NUP155: variants seen among roughly 807,000 people sequenced by gnomAD.
The protein encoded by NUP155 is nuclear pore complex protein Nup155.
Under a neutral mutation model 180.4 loss-of-function variants are expected in NUP155, and 71 were observed. The ratio of observed to expected loss-of-function variants is 0.39; its 90% CI spans 0.33 to 0.48. The LOEUF is 0.48. NUP155 is among the 20% of genes least tolerant of loss of function. The probability of loss-of-function intolerance (pLI) is 0.91; values close to 1 mark genes in which losing one functional copy is unlikely to be tolerated. For synonymous variants in NUP155, 582 were observed against 559.5 expected, an observed-to-expected ratio of 1.04 and a Z score of -0.57; for missense variants, 1,553 against 1,648.9, an observed-to-expected ratio of 0.94 and a Z score of 1.01.
intron 9 of NUP155, among the ~76,000 whole-genome samples, chr5:37,347,168 C>T (rs1286057843): frequency 2.6e-5 from 4 of 151,998 alleles, no homozygotes; most frequent in African/African-American, 7.2e-5. Context: ...GTGGTGATTG[C>T]AGCAAGCTGA....
At position 37,303,289 on chromosome 5, in the gene NUP155, A is replaced by C; in HGVS notation, c.3288T>G (p.Arg1096=). 1 of 1,614,180 alleles carries C rather than the reference A, an allele frequency of 6.2e-7. No individual in the cohort carries two copies. The highest frequency in any genetic ancestry group is 8.5e-7 in the Non-Finnish European group (1 of 1,180,026). ...GCATGTCAGCCAGTCTGGACAGTAC[A>C]CGAGCAGCATTACTGAAACTTCTGT... is the stretch of plus-strand genomic sequence containing the variant. ...EKNRSFSNAA[R]VLSRLADMHS... Residue 1096 remains arginine (R), a synonymous_variant, in exon 28 of 35, where the codon CGT becomes CGG. Coordinates refer to ENST00000231498, the MANE Select transcript of NUP155 (RefSeq NM_153485.3).
chr5:37,331,002 A>G (rs531787680), intron 14 of NUP155, among the ~76,000 whole-genome samples: 1 of 151,990 alleles, frequency 6.6e-6, no homozygotes, highest in African/African-American at 2.4e-5. Context: ...ACAAAAAATT[A>G]GCCAGGCGTG....
At chr5:37,361,575 GC>G (rs1554132963) in intron 3 of NUP155, among the ~76,000 whole-genome samples, 1 of 152,156 alleles carries the variant, frequency 6.6e-6, no homozygotes, top group Non-Finnish European at 1.5e-5. Context: ...AACTGGCACA[GC>G]CTCTTGGAAC....
chr5:37,292,728 C>T (rs1464324242), intron 34 of NUP155, 151 bp downstream of exon 34: 1 of 620,226 alleles, frequency 1.6e-6, no homozygotes, highest in African/African-American at 1.9e-5. Context: ...GGAAAAAACT[C>T]CTATTTTTCA....
chr5:37,300,950 G>T (rs1742831685), intron 30 of NUP155: 1 of 170,908 alleles, frequency 5.9e-6, no homozygotes, highest in African/African-American at 2.4e-5. Context: ...CAGCCTCCCA[G>T]GTAGCTGGGA....
intron 27 of NUP155, among the ~76,000 whole-genome samples, chr5:37,304,327 A>G (rs1344140240): frequency 6.6e-6 from 1 of 151,492 alleles, no homozygotes; most frequent in Non-Finnish European, 1.5e-5. Flanking sequence ...TAACACAGCT[A>G]TTGATTCCTA....
At chr5:37,301,168 A>G (rs1229281309) in intron 30 of NUP155, 1 of 373,722 alleles carries the variant, frequency 2.7e-6, no homozygotes, top group African/African-American at 2.1e-5. Flanking sequence ...CATGTTGCCC[A>G]GGCTGGAAAT....
chr5:37,345,611 G>A (rs1746030076), intron 9 of NUP155, among the ~76,000 whole-genome samples: 1 of 151,342 alleles, frequency 6.6e-6, no homozygotes, highest in Non-Finnish European at 1.5e-5. Flanking sequence ...GAGATAAAGA[G>A]TGTATTAGTT....
At chr5:37,349,462 C>T (rs1452139084) in intron 7 of NUP155, among the ~76,000 whole-genome samples, 1 of 152,122 alleles carries the variant, frequency 6.6e-6, no homozygotes, top group Non-Finnish European at 1.5e-5. Flanking sequence ...ATGCTAAATA[C>T]TGTGACTGGG....
intron 9 of NUP155, among the ~76,000 whole-genome samples, chr5:37,348,178 C>G (rs1746226283): frequency 1.3e-5 from 2 of 152,020 alleles, no homozygotes; most frequent in South Asian, 4.2e-4. Context: ...GTGGCAGGCA[C>G]CTGTAATCTC....
rs188358439 is a variant in NUP155 at position 37,325,232 on chromosome 5, A to G, written c.2091+669T>C. Among the ~76,000 whole-genome samples the G allele has an allele frequency of 2.5e-3, 382 of 152,208 alleles. 4 individuals carry two copies. Among genetic ancestry groups the G allele is most frequent in the Non-Finnish European group, 4.3e-3 (290 of 68,006 alleles). On this transcript the variant is annotated intron_variant, in intron 19 of 34. Coordinates refer to ENST00000231498, the MANE Select transcript of NUP155 (RefSeq NM_153485.3). ...ATAGAAATTAGTGCTGGGTCCATGG[A>G]GTTTTCGTTCATATATATGTCAAAG...
At chr5:37,296,465 A>ACG (rs1742578697) in intron 32 of NUP155, among the ~76,000 whole-genome samples, 1 of 151,868 alleles carries the variant, frequency 6.6e-6, no homozygotes, top group African/African-American at 2.4e-5. Context: ...TGTTAAACAG[A>ACG]CGCTTGAAGG....
At chr5:37,328,568 A>G in intron 16 of NUP155, 148 bp from the exon 17 acceptor site, 1 of 629,250 alleles carries the variant, frequency 1.6e-6, no homozygotes. Context: ...CAGTGGCATG[A>G]TCTCGGCTCA....
intron 25 of NUP155, among the ~76,000 whole-genome samples, chr5:37,305,556 C>T (rs1743108108): frequency 2.0e-5 from 3 of 152,028 alleles, no homozygotes; most frequent in Admixed American, 2.0e-4. Flanking sequence ...GTGGTGCATG[C>T]CTGTAGTGCC....
chr5:37,330,157 C>T (rs1403624760), intron 14 of NUP155, 25 bp from the exon 15 acceptor site: 1 of 1,520,626 alleles, frequency 6.6e-7, no homozygotes. Context: ...GAATATTGGC[C>T]TTATATTAAA....
At position 37,294,930 on chromosome 5, in the gene NUP155, A is replaced by G. The variant is rs550476211; in HGVS notation, c.3794-465T>C. ...CTAAAATTAAAATTACAGAACCTAG[A>G]AAACTCAGAAAGATATAAGAAGAAA... On this transcript the variant is annotated intron_variant, in intron 32 of 34. Transcript: ENST00000231498. Among the ~76,000 whole-genome samples the G allele has an allele frequency of 2.6e-5, 4 of 152,252 alleles. No individual in the cohort carries two copies. In the East Asian group the frequency reaches 7.7e-4, roughly 29 times the overall value.
chr5:37,318,042 G>A lies in NUP155; in HGVS notation c.2251C>T (p.Pro751Ser). 6.2e-7 allele frequency: 1 copy of A among 1,613,012 alleles called. No homozygotes were observed. Among genetic ancestry groups the A allele is most frequent in the Non-Finnish European group, 8.5e-7 (1 of 1,179,040 alleles). ...ATTTGCTGGGGATTTCCGTTTTCAG[G>A]ACGCATGAATCCTATCAGCCTCTGC... The part of the protein sequence containing the change: ...VQQRLIGFMR[P>S]ENGNPQQMQQ... The change falls in exon 21 of 35, where the codon CCT becomes TCT. Residue 751 changes from proline (P) to serine (S), a missense_variant. By Grantham distance (74) the Pro-to-Ser change is moderately conservative. Transcript: ENST00000231498.
chr5:37,362,838 GA>G (rs1214052222), intron 3 of NUP155, among the ~76,000 whole-genome samples: 1 of 152,054 alleles, frequency 6.6e-6, no homozygotes, highest in Non-Finnish European at 1.5e-5. Flanking sequence ...ACTTCTAGTA[GA>G]AAAAAATGGT....
At position 37,351,292 on chromosome 5, in the gene NUP155, A is replaced by G. The variant is rs1746439846; in HGVS notation, c.621T>C (p.Ser207=). 1 of 1,612,768 alleles carries G rather than the reference A, an allele frequency of 6.2e-7. No individual in the cohort carries two copies. Among genetic ancestry groups the G allele is most frequent in the East Asian group, 2.2e-5 (1 of 44,820 alleles). ...GMQLLPDPLY[S]LPTDNTYLLT... ...AAAGGTAAGTATTATCAGTAGGAAG[A>G]GAATATAAAGGATCTGGAAGCAACT... The change falls in exon 6 of 35, where the codon TCT becomes TCC. Residue 207 remains serine (S), a synonymous_variant. Transcript: ENST00000231498.
Sources: gnomAD v4.1 joint callset for allele counts (sites outside exome capture counted in the v4.1 genomes callset) on GRCh38, gnomAD v4.1.1 for gene constraint, MANE v1.5 for transcripts, NCBI Gene and HGNC (gene_info 2026-07-23, HGNC 2026-07-21) for gene names.